CSMD2: variants seen among roughly 807,000 people sequenced by gnomAD.
CSMD2 encodes the protein CUB and Sushi multiple domains 2.
CSMD2 carries 130 observed loss-of-function variants against 398.5 expected under a neutral mutation model. The ratio of observed to expected loss-of-function variants is 0.33; its 90% CI spans 0.28 to 0.38. The LOEUF (loss-of-function observed/expected upper bound fraction) is 0.38. CSMD2 is among the 10% of genes least tolerant of loss of function. CSMD2 has a pLI of 1.00. For synonymous variants in CSMD2, 1,828 were observed against 1,908.5 expected (o/e 0.96, Z 1.10); for missense variants, 3,829 against 4,764.9 (o/e 0.80, Z 5.78).
At chr1:33,634,392 A>G (rs1246712310) in intron 31 of CSMD2, among the ~76,000 whole-genome samples, 1 of 152,226 alleles carries the variant, frequency 6.6e-6, no homozygotes, top group Non-Finnish European at 1.5e-5. Flanking sequence ...CTTGGGGAAT[A>G]AGGAGCTGGC....
intron 3 of CSMD2, among the ~76,000 whole-genome samples, chr1:34,027,860 GGGC>G (rs1649862975): frequency 6.6e-6 from 1 of 151,674 alleles, no homozygotes; most frequent in East Asian, 1.9e-4. Context: ...AGCCCTACAT[GGGC>G]AGACAGCCCT....
At chr1:33,550,105 C>A in intron 56 of CSMD2, 72 bp downstream of exon 56, 1 of 1,500,850 alleles carries the variant, frequency 6.7e-7, no homozygotes, top group Non-Finnish European at 9.2e-7. Context: ...ACACTCACAC[C>A]TTGGGGGCTC....
intron 1 of CSMD2, among the ~76,000 whole-genome samples, chr1:34,156,086 T>C (rs1640782796): frequency 6.6e-6 from 1 of 152,178 alleles, no homozygotes; most frequent in Non-Finnish European, 1.5e-5. Flanking sequence ...TAGGGCCACA[T>C]AGGTCCCTGG....
intron 5 of CSMD2, among the ~76,000 whole-genome samples, chr1:33,890,129 A>C (rs982004872): frequency 3.9e-5 from 6 of 151,998 alleles, no homozygotes; most frequent in African/African-American, 1.4e-4. Context: ...ATTTTCTTTA[A>C]TGACCATGCT....
At chr1:33,874,346 G>A (rs1287135569) in intron 5 of CSMD2, among the ~76,000 whole-genome samples, 1 of 152,222 alleles carries the variant, frequency 6.6e-6, no homozygotes, top group Non-Finnish European at 1.5e-5. Flanking sequence ...TTCAATGAGA[G>A]CGGTACTTTA....
intron 13 of CSMD2, among the ~76,000 whole-genome samples, chr1:33,765,515 T>C (rs1384349098): frequency 3.3e-5 from 5 of 152,204 alleles, no homozygotes; most frequent in Admixed American, 3.3e-4. Context: ...AACTGCATAA[T>C]AGTTTGGACA....
At chr1:34,015,900 G>A (rs760279005) in intron 3 of CSMD2, among the ~76,000 whole-genome samples, 27 of 152,238 alleles carry the variant, frequency 1.8e-4, no homozygotes, top group Non-Finnish European at 4.0e-4. Context: ...GAATGTGGGT[G>A]CATGCACCTG....
chr1:33,866,904 T>C (rs1370324342), intron 5 of CSMD2, among the ~76,000 whole-genome samples: 3 of 152,250 alleles, frequency 2.0e-5, no homozygotes, highest in Non-Finnish European at 4.4e-5. Flanking sequence ...GTTTTAGCAA[T>C]TAACTGAGGT....
chr1:33,574,982 C>G (rs1226620096), intron 49 of CSMD2, among the ~76,000 whole-genome samples: 1 of 152,230 alleles, frequency 6.6e-6, no homozygotes, highest in Non-Finnish European at 1.5e-5. Context: ...CCACTTCTCA[C>G]AGGCCCTGGC....
At chr1:33,638,885 T>G (rs372318038) in intron 29 of CSMD2, among the ~76,000 whole-genome samples, 20 of 152,318 alleles carry the variant, frequency 1.3e-4, no homozygotes, top group African/African-American at 4.6e-4. Flanking sequence ...ATCGACTCTA[T>G]ATTGACCTTA....
chr1:34,149,595 A>C (rs1477959984), intron 1 of CSMD2, among the ~76,000 whole-genome samples: 1 of 152,208 alleles, frequency 6.6e-6, no homozygotes, highest in Non-Finnish European at 1.5e-5. Flanking sequence ...TTAGTGATTC[A>C]GGAGCTCCAA....
chr1:33,723,071 G>A (rs1646411924), intron 19 of CSMD2, among the ~76,000 whole-genome samples: 1 of 152,164 alleles, frequency 6.6e-6, no homozygotes, highest in Non-Finnish European at 1.5e-5. Context: ...CACACACGGA[G>A]GGATCTATTT....
intron 1 of CSMD2, among the ~76,000 whole-genome samples, chr1:34,155,811 C>A (rs773940398): frequency 1.6e-4 from 24 of 152,260 alleles, no homozygotes; most frequent in Non-Finnish European, 3.5e-4. Context: ...GCTCTGGCTT[C>A]TCTTTGGACG....
At chr1:33,939,395 G>A (rs1644592187) in intron 3 of CSMD2, among the ~76,000 whole-genome samples, 1 of 152,168 alleles carries the variant, frequency 6.6e-6, no homozygotes, top group Non-Finnish European at 1.5e-5. Flanking sequence ...TTATGAGTGT[G>A]GGGTGGGAAG....
chr1:33,516,596 G>A (rs1653785413), intron 70 of CSMD2, 26 bp from the exon 71 acceptor site: 1 of 152,308 alleles, frequency 6.6e-6, no homozygotes, highest in Non-Finnish European at 1.5e-5. Context: ...TCACACCTGA[G>A]TTTGCAAAGA....
chr1:34,152,578 G>A (rs1640426566), intron 1 of CSMD2, among the ~76,000 whole-genome samples: 1 of 152,106 alleles, frequency 6.6e-6, no homozygotes, highest in Non-Finnish European at 1.5e-5. Context: ...CTGCACTGTC[G>A]CAAGCCATTT....
intron 1 of CSMD2, among the ~76,000 whole-genome samples, chr1:34,127,044 G>T (rs565288071): frequency 2.3e-4 from 35 of 152,128 alleles, no homozygotes; most frequent in African/African-American, 7.5e-4. Flanking sequence ...ACAGAGAGAC[G>T]GAAAAGTGAC....
chr1:33,586,834 T>C (rs1639113746), intron 45 of CSMD2, among the ~76,000 whole-genome samples: 1 of 152,230 alleles, frequency 6.6e-6, no homozygotes, highest in African/African-American at 2.4e-5. Context: ...CATTTTATAC[T>C]GTCTTGCATG....
chr1:34,041,263 TGA>T (rs974304254), intron 2 of CSMD2, among the ~76,000 whole-genome samples: 3 of 152,182 alleles, frequency 2.0e-5, no homozygotes, highest in African/African-American at 4.8e-5. Context: ...CGGATACAAC[TGA>T]GCTTCCTGCC....
Sources: allele counts gnomAD v4.1 joint callset (sites outside exome capture counted in the v4.1 genomes callset), GRCh38; gene constraint gnomAD v4.1.1; transcripts MANE v1.5; gene names NCBI Gene and HGNC (gene_info 2026-07-23, HGNC 2026-07-21).